The following OTOG variants were observed in gnomAD, a reference collection of about 807,000 sequenced individuals.
OTOG encodes the protein otogelin.
A neutral mutation model predicts 313.8 loss-of-function variants in OTOG; 296 were observed. The observed-to-expected ratio is 0.94, with a 90% CI of 0.86 to 1.04. The LOEUF is 1.04. Ranked by LOEUF, OTOG falls within the 50% of genes least tolerant of loss-of-function variation. The pLI, the probability that OTOG is intolerant of heterozygous loss-of-function variation, is 0.00. For missense variants in OTOG, 3,948 were observed against 3,840.1 expected, an observed-to-expected ratio of 1.03 and a Z score of -0.74; for synonymous variants, 1,533 against 1,554.9, an observed-to-expected ratio of 0.99 and a Z score of 0.33.
At chr11:17,634,973 T>TGGGG in intron 45 of OTOG, 25 bp downstream of exon 45, 33 of 464,414 alleles carry the variant, frequency 7.1e-5, no homozygotes, top group Non-Finnish European at 1.1e-4. Context: ...GTGGGGAGGG[T>TGGGG]GGGGGACGGA....
Position 17,574,872 on chromosome 11 carries a change from G to C in OTOG, c.2446G>C (p.Asp816His). 1 of 1,541,510 alleles carries C rather than the reference G, an allele frequency of 6.5e-7. No individual in the cohort carries two copies. Among genetic ancestry groups the C allele is most frequent in the East Asian group, 2.5e-5 (1 of 40,644 alleles). The change falls in exon 20 of 56, where the codon GAC becomes CAC. Residue 816 changes from aspartate (D) to histidine (H), a missense_variant. Transcript: ENST00000399397. Reference sequence around the variant, plus strand: ...TGTGGAGGGCTGTGCCTGCCCACCGGACACCTATCTGGACACCCAGGCTGA... The same window carrying C: ...TGTGGAGGGCTGTGCCTGCCCACCGCACACCTATCTGGACACCCAGGCTGA... ...ECVEGCACPP[D>H]TYLDTQADLC... is the part of the protein sequence containing the mutation.
intron 49 of OTOG, 25 bp downstream of exon 49, chr11:17,639,488 A>C (rs1414074640): frequency 1.3e-6 from 2 of 1,548,162 alleles, no homozygotes; most frequent in South Asian, 2.4e-5. Flanking sequence ...CTCCCCCAAC[A>C]CTCCCTGGTC....
chr11:17,641,091 G>A lies in OTOG; in HGVS notation c.8190G>A (p.Ala2730=), dbSNP rs1236221099. The change falls in exon 51 of 56, where the codon GCG becomes GCA. Residue 2730 remains alanine (A), a splice_region_variant and synonymous_variant. Transcript: ENST00000399397. ...TGCTCTGTGACATCCACTGTGAGGCGGTAGGGTGCAGCCCAGGGCGGGGTG... is the reference window on the plus strand; with the variant it reads ...TGCTCTGTGACATCCACTGTGAGGCAGTAGGGTGCAGCCCAGGGCGGGGTG... ...TSVLCDIHCE[A]NQEYEHPRDL... 17 of 1,414,572 alleles carry A rather than the reference G, an allele frequency of 1.2e-5. No homozygotes were observed. Among genetic ancestry groups the A allele is most frequent in the Middle Eastern group, 1.8e-4 (1 of 5,448 alleles). 87.6% of individuals were successfully genotyped at this position (1,414,572 alleles called of 1,614,324 possible).
intron 37 of OTOG, 96 bp from the exon 38 acceptor site, chr11:17,612,523 CA>C: frequency 5.6e-6 from 8 of 1,438,072 alleles, no homozygotes; most frequent in Non-Finnish European, 7.4e-6. Context: ...CCTCTGCATC[CA>C]TCCAGGAAAA....
intron 53 of OTOG, 84 bp downstream of exon 53, chr11:17,642,330 G>T: frequency 6.9e-7 from 1 of 1,449,918 alleles, no homozygotes. Flanking sequence ...CTGTGTGCAG[G>T]AGTGCAGGAA....
At chr11:17,548,418 C>CTTTTTTTTTTT (rs56402246) in intron 3 of OTOG, among the ~76,000 whole-genome samples, 6 of 87,620 alleles carry the variant, frequency 6.8e-5, no homozygotes, top group South Asian at 4.4e-4. Context: ...ATAGTCCACT[C>CTTTTTTTTTTT]TTTTTTTTTT....
intron 15 of OTOG, among the ~76,000 whole-genome samples, chr11:17,563,091 A>G (rs569833627): frequency 2.0e-5 from 3 of 152,342 alleles, no homozygotes; most frequent in African/African-American, 7.2e-5. Flanking sequence ...CCTGGAAGAC[A>G]TGACCCTTGA....
Position 17,610,851 on chromosome 11 carries a change from T to A in OTOG, c.5551T>A (p.Phe1851Ile). 6.4e-7 allele frequency: 1 copy of A among 1,550,782 alleles called. No homozygotes were observed. ...PAQTLSPVLPFTPAAMTQAHP... is the reference protein window; with the variant it reads ...PAQTLSPVLPITPAAMTQAHP... ...TCAGACACTTAGCCCAGTACTGCCT[T>A]TCACTCCAGCAGCAATGACCCAGGC... The change falls in exon 36 of 56, where the codon TTC becomes ATC. Residue 1851 changes from phenylalanine to isoleucine, a missense_variant. Coordinates refer to ENST00000399397, the MANE Select transcript of OTOG (RefSeq NM_001292063.2).
At position 17,631,257 on chromosome 11, in the gene OTOG, T is replaced by G. The variant is rs528926180; in HGVS notation, c.6713-445T>G. On this transcript the variant is annotated intron_variant, in intron 40 of 55. Transcript: ENST00000399397. ...ACTTTTGGGGGGTAGCTTTTTATTT[T>G]GGTGTAATATAGCAAAGCTTATAAA... Among the ~76,000 whole-genome samples the G allele has an allele frequency of 6.7e-5, 10 of 150,112 alleles. No individual in the cohort carries two copies. The South Asian group carries it at 2.1e-3, about 31-fold the overall frequency.
rs1292362841 is a variant in OTOG at position 17,611,325 on chromosome 11, G to A, written c.6025G>A (p.Glu2009Lys). ...AAEPVDEATT[E>K]PSGRSAPALS... is the part of the protein sequence containing the mutation. ...AGAGCCGGTGGACGAGGCCACCACA[G>A]AACCATCTGGGCGCTCAGCCCCAGC... The change falls in exon 36 of 56, where the codon GAA becomes AAA. Residue 2009 changes from glutamate to lysine, a missense_variant. Coordinates refer to ENST00000399397, the MANE Select transcript of OTOG (RefSeq NM_001292063.2). 4.5e-6 allele frequency: 7 copies of A among 1,550,554 alleles called. No homozygotes were observed. The highest frequency in any genetic ancestry group is 6.1e-6 in the Non-Finnish European group (7 of 1,146,970).
In OTOG at chr11:17,612,282, G is replaced by A. The variant is rs1442919921; in HGVS notation, c.6244G>A (p.Ala2082Thr). Residue 2082 changes from alanine to threonine, a missense_variant, in exon 37 of 56, where the codon GCC (alanine) becomes ACC (threonine). Physicochemically the swap from Ala to Thr is moderately conservative, Grantham distance 58. Coordinates refer to ENST00000399397, the MANE Select transcript of OTOG (RefSeq NM_001292063.2). ...APPRCGILGL[A>T]VRVGGDRCCP... Reference sequence around the variant, plus strand: ...CCCTCGCTGTGGGATCCTGGGCCTCGCCGTGCGGGTGGGTGGGGACCGCTG... The same window carrying A: ...CCCTCGCTGTGGGATCCTGGGCCTCACCGTGCGGGTGGGTGGGGACCGCTG... 4.5e-6 allele frequency: 7 copies of A among 1,543,156 alleles called. No homozygotes were observed. The highest frequency in any genetic ancestry group is 2.4e-5 in the East Asian group (1 of 40,924).
chr11:17,644,710 A>G (rs1270697077), intron 54 of OTOG, among the ~76,000 whole-genome samples: 3 of 152,162 alleles, frequency 2.0e-5, no homozygotes, highest in Non-Finnish European at 4.4e-5. Flanking sequence ...ATGCACAAAG[A>G]ACTTACAACA....
intron 23 of OTOG, among the ~76,000 whole-genome samples, chr11:17,582,649 TTTG>T (rs1292183692): frequency 1.3e-5 from 2 of 152,244 alleles, no homozygotes; most frequent in African/African-American, 4.8e-5. Flanking sequence ...CTTTTCCATT[TTTG>T]TTATTTCAGC....
Position 17,611,221 on chromosome 11 carries a change from C to A in OTOG, c.5921C>A (p.Ala1974Asp). The A allele has an allele frequency of 6.4e-7, 1 of 1,550,488 alleles. No homozygotes were observed. Among genetic ancestry groups the A allele is most frequent in the Non-Finnish European group, 8.7e-7 (1 of 1,146,986 alleles). The change falls in exon 36 of 56, where the codon GCC becomes GAC. Residue 1974 changes from alanine to aspartate, a missense_variant. Physicochemically the swap from Ala to Asp is moderately radical, Grantham distance 126. Transcript: ENST00000399397. ...CTGAGCCGTGTCTCAGCCAGGACGG[C>A]CCCCCAAGACAGCATGCTGGTTCTG... is the stretch of plus-strand genomic sequence containing the variant. ...YALSRVSART[A>D]PQDSMLVLLP...
chr11:17,613,176 TTCTTTCTTTCTTTCTTTCTTTTC>T (rs1853608578), intron 38 of OTOG, among the ~76,000 whole-genome samples: 3 of 99,704 alleles, frequency 3.0e-5, no homozygotes, highest in African/African-American at 5.0e-5. Flanking sequence ...TCCCTTTTCT[TTCTTTCTTTCTTTCTTTCTTTTC>T]TTTCTTTCTT....
chr11:17,575,521 G>A (rs145236829), intron 20 of OTOG, among the ~76,000 whole-genome samples: 1 of 152,326 alleles, frequency 6.6e-6, no homozygotes, highest in African/African-American at 2.4e-5. Flanking sequence ...GGCCCAGCTT[G>A]TTCTCAGTGT....
chr11:17,578,190 C>G (rs1002724057), intron 22 of OTOG, 183 bp from the exon 23 acceptor site: 5 of 1,317,898 alleles, frequency 3.8e-6, no homozygotes, highest in African/African-American at 3.0e-5. Context: ...GTGTGACAGA[C>G]AGCACACATC....
In OTOG at chr11:17,630,854, A is replaced by C. The variant is rs192202624; in HGVS notation, c.6713-848A>C. Among the ~76,000 whole-genome samples, 618 of 152,328 alleles carry C rather than the reference A, an allele frequency of 4.1e-3. 4 individuals carry two copies. Among genetic ancestry groups the C allele is most frequent in the African/African-American group, 0.014 (562 of 41,578 alleles). The stretch of plus-strand genomic sequence containing the variant: ...ATGGTATGTGGGAGATGAAACCAGA[A>C]GTTTAGGTCACATTAAAAGCTAGGA... On this transcript the variant is annotated intron_variant, in intron 40 of 55. Coordinates refer to ENST00000399397, the MANE Select transcript of OTOG (RefSeq NM_001292063.2).
At chr11:17,631,651 T>G in intron 40 of OTOG, 51 bp from the exon 41 acceptor site, 1 of 1,413,334 alleles carries the variant, frequency 7.1e-7, no homozygotes, top group Non-Finnish European at 9.7e-7. Flanking sequence ...GCTGACGACA[T>G]GGGAGTGGTA....
Sources: allele counts gnomAD v4.1 joint callset (sites outside exome capture counted in the v4.1 genomes callset), GRCh38; gene constraint gnomAD v4.1.1; transcripts MANE v1.5; gene names NCBI Gene and HGNC (gene_info 2026-07-23, HGNC 2026-07-21).